Variants in DACH1 observed in about 807,000 individuals in gnomAD.
DACH1 encodes dachshund family transcription factor 1, also known as dachshund homolog 1.
In DACH1, 12 loss-of-function variants were observed where a neutral mutation model predicts 54.2. The observed-to-expected ratio is 0.22, with a 90% CI of 0.14 to 0.36. The LOEUF (loss-of-function observed/expected upper bound fraction) is 0.36. DACH1 is among the 10% of genes least tolerant of loss of function. The pLI, the probability that DACH1 is intolerant of heterozygous loss-of-function variation, is 1.00. For synonymous variants in DACH1, 386 were observed against 366.2 expected, an observed-to-expected ratio of 1.05 and a Z score of -0.62; for missense variants, 805 against 929.8, an observed-to-expected ratio of 0.87 and a Z score of 1.75.
At chr13:71,721,541 A>G (rs1380589204) in intron 1 of DACH1, among the ~76,000 whole-genome samples, 1 of 152,138 alleles carries the variant, frequency 6.6e-6, no homozygotes, top group East Asian at 1.9e-4. Context: ...GAGGCTTCTG[A>G]TAGCAATGTC....
At chr13:71,461,418 T>G (rs1876063687) in intron 10 of DACH1, among the ~76,000 whole-genome samples, 2 of 152,048 alleles carry the variant, frequency 1.3e-5, no homozygotes. Flanking sequence ...AATTGTTTTT[T>G]ATTCAGAGGT....
intron 10 of DACH1, among the ~76,000 whole-genome samples, chr13:71,470,612 C>A (rs909377537): frequency 6.6e-6 from 1 of 152,132 alleles, no homozygotes; most frequent in African/African-American, 2.4e-5. Flanking sequence ...CAGTTGTAAG[C>A]CACCGCACCC....
intron 1 of DACH1, among the ~76,000 whole-genome samples, chr13:71,749,175 G>A (rs1301395745): frequency 3.3e-5 from 5 of 151,614 alleles, no homozygotes; most frequent in African/African-American, 1.2e-4. Context: ...GTAGAGATGG[G>A]GTTTCAGCAT....
chr13:71,727,811 C>A (rs1883542644), intron 1 of DACH1, among the ~76,000 whole-genome samples: 1 of 152,072 alleles, frequency 6.6e-6, no homozygotes, highest in Non-Finnish European at 1.5e-5. Flanking sequence ...CAAGTATATG[C>A]TACTGCACTT....
rs1334365000 is a variant in DACH1 at position 71,440,482 on chromosome 13, A to G, written c.*173T>C. On this transcript the variant is annotated 3_prime_UTR_variant, in exon 11 of 11. Transcript: ENST00000613252. ...CTGGTATGAACCACAGGTGAAAATC[A>G]ATGGAGAAAACTTTTTTTTTTTTTG... The G allele has an allele frequency of 7.6e-6, 4 of 527,714 alleles. No homozygotes were observed. Among genetic ancestry groups the G allele is most frequent in the African/African-American group, 6.6e-5 (3 of 45,770 alleles). 32.7% of individuals were successfully genotyped at this position (527,714 alleles called of 1,614,324 possible).
At chr13:71,479,619 A>G (rs1211184684) in intron 7 of DACH1, among the ~76,000 whole-genome samples, 1 of 152,200 alleles carries the variant, frequency 6.6e-6, no homozygotes, top group Admixed American at 6.5e-5. Flanking sequence ...AAATAAGGGC[A>G]GCACATAAGC....
intron 6 of DACH1, among the ~76,000 whole-genome samples, chr13:71,498,928 T>G (rs1466901826): frequency 1.3e-5 from 2 of 152,180 alleles, no homozygotes; most frequent in East Asian, 3.8e-4. Flanking sequence ...AGCTATCTAT[T>G]AATATTTCCA....
At chr13:71,495,589 C>T (rs774912199) in intron 6 of DACH1, among the ~76,000 whole-genome samples, 1 of 151,958 alleles carries the variant, frequency 6.6e-6, no homozygotes, top group Non-Finnish European at 1.5e-5. Flanking sequence ...CTGATTCATT[C>T]TCACTCTAGG....
At chr13:71,507,646 G>A (rs1260094043) in intron 6 of DACH1, among the ~76,000 whole-genome samples, 3 of 152,216 alleles carry the variant, frequency 2.0e-5, no homozygotes, top group East Asian at 1.9e-4. Flanking sequence ...GAACTGTCAC[G>A]GCAAGTGAGG....
intron 1 of DACH1, chr13:71,704,545 T>A (rs1268478232): frequency 4.5e-6 from 2 of 440,968 alleles, no homozygotes; most frequent in African/African-American, 4.2e-5. Flanking sequence ...GAAACATACC[T>A]GGGTGCAACT....
At chr13:71,590,484 G>A (rs1392059183) in intron 3 of DACH1, among the ~76,000 whole-genome samples, 1 of 152,128 alleles carries the variant, frequency 6.6e-6, no homozygotes, top group Non-Finnish European at 1.5e-5. Flanking sequence ...GGCCTCACTG[G>A]TTGTACTATA....
intron 1 of DACH1, among the ~76,000 whole-genome samples, chr13:71,814,108 A>C (rs1887822632): frequency 1.3e-5 from 2 of 152,322 alleles, no homozygotes; most frequent in South Asian, 4.1e-4. Flanking sequence ...AGCTAGATTA[A>C]CCAAATAAAA....
In DACH1 at chr13:71,592,543, G is replaced by C. The variant is rs894792739; in HGVS notation, c.1127-19531C>G. On this transcript the variant is annotated intron_variant, in intron 3 of 10. Transcript: ENST00000613252. ...GAAAAGAAAAAAAGAAAAGAAAAAA[G>C]AAGAAAAGGAGAATTTACCATGCCA... Among the ~76,000 whole-genome samples the C allele has an allele frequency of 1.0e-4, 11 of 108,252 alleles. 1 individual carries two copies. In the East Asian group the frequency reaches 2.3e-3, roughly 23 times the overall value. 71.0% of individuals were successfully genotyped at this position (108,252 alleles called of 152,430 possible).
intron 3 of DACH1, among the ~76,000 whole-genome samples, chr13:71,592,011 T>C (rs754974908): frequency 8.5e-5 from 13 of 152,154 alleles, no homozygotes; most frequent in Non-Finnish European, 1.6e-4. Flanking sequence ...TATTATTCAT[T>C]GTGAGGTAGC....
chr13:71,751,379 A>G (rs1884917860), intron 1 of DACH1, among the ~76,000 whole-genome samples: 1 of 152,212 alleles, frequency 6.6e-6, no homozygotes, highest in Non-Finnish European at 1.5e-5. Context: ...TATCATGTAC[A>G]CAGATCAAAT....
At chr13:71,544,977 C>A (rs975132371) in intron 6 of DACH1, among the ~76,000 whole-genome samples, 2 of 152,038 alleles carry the variant, frequency 1.3e-5, no homozygotes, top group Non-Finnish European at 2.9e-5. Context: ...ACTGCATCAT[C>A]CTCTGTACCT....
intron 1 of DACH1, among the ~76,000 whole-genome samples, chr13:71,746,831 G>A (rs572084469): frequency 1.3e-5 from 2 of 152,262 alleles, no homozygotes; most frequent in African/African-American, 4.8e-5. Context: ...TCAAAGCTAT[G>A]TCGACTTAGT....
At chr13:71,594,560 A>G (rs1284019489) in intron 3 of DACH1, among the ~76,000 whole-genome samples, 2 of 152,214 alleles carry the variant, frequency 1.3e-5, no homozygotes, top group Admixed American at 6.5e-5. Context: ...AGTTATAGTA[A>G]CATAATGTGT....
intron 2 of DACH1, among the ~76,000 whole-genome samples, chr13:71,670,594 A>C (rs1178543101): frequency 6.6e-6 from 1 of 152,138 alleles, no homozygotes; most frequent in Non-Finnish European, 1.5e-5. Flanking sequence ...TCTATAGAGT[A>C]TATGTGAATA....
Sources: allele counts gnomAD v4.1 joint callset (sites outside exome capture counted in the v4.1 genomes callset), GRCh38; gene constraint gnomAD v4.1.1; transcripts MANE v1.5; gene names NCBI Gene and HGNC (gene_info 2026-07-23, HGNC 2026-07-21).